CRTAC1: variants seen among roughly 807,000 people sequenced by gnomAD.
CRTAC1 encodes cartilage acidic protein 1.
CRTAC1 carries 37 observed loss-of-function variants against 67.8 expected under a neutral mutation model. The observed-to-expected ratio is 0.55, with a 90% CI of 0.42 to 0.72. CRTAC1 has a LOEUF of 0.72. Among genes scored for constraint, CRTAC1 ranks in the 30% least tolerant of loss-of-function variants. The pLI is 0.00. For missense variants in CRTAC1, 780 were observed against 931.6 expected (o/e 0.84, Z 2.12); for synonymous variants, 348 against 371.0 (o/e 0.94, Z 0.71).
intron 2 of CRTAC1, among the ~76,000 whole-genome samples, chr10:97,996,925 G>T (rs181539122): frequency 6.6e-6 from 1 of 152,052 alleles, no homozygotes; most frequent in Admixed American, 6.6e-5. Context: ...ATGAGTTCAT[G>T]TCCTTTGTAG....
intron 2 of CRTAC1, among the ~76,000 whole-genome samples, chr10:97,969,686 T>C (rs914319176): frequency 2.0e-4 from 31 of 152,104 alleles, no homozygotes; most frequent in African/African-American, 6.8e-4. Flanking sequence ...CACAGAGCCA[T>C]TGATCAGAAA....
At chr10:97,881,575 C>A (rs12240729) in intron 13 of CRTAC1, among the ~76,000 whole-genome samples, 1 of 152,208 alleles carries the variant, frequency 6.6e-6, no homozygotes, top group Non-Finnish European at 1.5e-5. Flanking sequence ...ATGACACTTG[C>A]TGTGTACGAG....
At chr10:98,002,832 G>C (rs564630988) in intron 2 of CRTAC1, among the ~76,000 whole-genome samples, 1 of 124,184 alleles carries the variant, frequency 8.1e-6, no homozygotes, top group African/African-American at 3.1e-5. Flanking sequence ...AGGCTGGAGT[G>C]CAGAGGTGCA....
intron 9 of CRTAC1, among the ~76,000 whole-genome samples, chr10:97,896,671 C>T (rs186069413): frequency 2.0e-5 from 3 of 152,302 alleles, no homozygotes; most frequent in South Asian, 2.1e-4. Context: ...CATTCCCCCA[C>T]CCCCCATCAG....
At chr10:98,025,714 G>C (rs1383177668) in intron 1 of CRTAC1, among the ~76,000 whole-genome samples, 1 of 152,194 alleles carries the variant, frequency 6.6e-6, no homozygotes, top group Admixed American at 6.5e-5. Context: ...GCCCAGGCTG[G>C]CCTGGAAGCC....
At chr10:97,997,444 T>C (rs1590276229) in intron 2 of CRTAC1, among the ~76,000 whole-genome samples, 2 of 121,698 alleles carry the variant, frequency 1.6e-5, no homozygotes. Context: ...AGAGGGAGAC[T>C]CTGTCTCAAA....
chr10:97,932,410 A>T, intron 3 of CRTAC1, among the ~76,000 whole-genome samples: 1 of 152,212 alleles, frequency 6.6e-6, no homozygotes, highest in East Asian at 1.9e-4. Flanking sequence ...TACGGCAGTG[A>T]AAAAGGCACC....
intron 1 of CRTAC1, among the ~76,000 whole-genome samples, chr10:98,022,697 T>TGGAGAGCA (rs1326742373): frequency 1.3e-5 from 2 of 152,108 alleles, no homozygotes; most frequent in African/African-American, 4.8e-5. Flanking sequence ...CTGGAGAGCC[T>TGGAGAGCA]GCTATGCCAC....
intron 2 of CRTAC1, among the ~76,000 whole-genome samples, chr10:98,005,100 A>ATATATATATATATTTTTTT: frequency 4.1e-5 from 2 of 48,884 alleles, no homozygotes; most frequent in African/African-American, 2.3e-4. Context: ...ATATATATAT[A>ATATATATATATATTTTTTT]TTTTTTTTTT....
chr10:98,030,513 G>T lies in CRTAC1; in HGVS notation c.-41C>A, dbSNP rs577931766. On this transcript the variant is annotated 5_prime_UTR_variant, in exon 1 of 15. Transcript: ENST00000370597. This position sits in a 1 kb window ranked among gnomAD's most constrained non-coding sequence, Gnocchi z 4.2. ...CCCGCCGCCTAGGGGCGTGGGAAGC[G>T]GGCGCTCGCTGCCGCCTCTGCCGCC... 5.7e-6 allele frequency: 7 copies of T among 1,237,576 alleles called. No individual in the cohort carries two copies. Among genetic ancestry groups the T allele is most frequent in the Non-Finnish European group, 6.1e-6 (6 of 982,420 alleles). 76.7% of individuals were successfully genotyped at this position (1,237,576 alleles called of 1,614,324 possible). A position where few individuals can be genotyped will look rare whatever the true frequency, so the allele number is the denominator to read the frequency against.
At chr10:97,954,059 T>A (rs753214878) in intron 2 of CRTAC1, among the ~76,000 whole-genome samples, 190 of 152,268 alleles carry the variant, frequency 1.2e-3, no homozygotes, top group Middle Eastern at 6.8e-3. Context: ...GGCATCGCCC[T>A]GGGAGAAACA....
chr10:97,905,646 C>A (rs2050601211), intron 6 of CRTAC1, among the ~76,000 whole-genome samples: 1 of 152,234 alleles, frequency 6.6e-6, no homozygotes, highest in Non-Finnish European at 1.5e-5. Context: ...GTACACGCAG[C>A]ATCTATCTCA....
At chr10:97,983,639 C>G (rs2051933762) in intron 2 of CRTAC1, among the ~76,000 whole-genome samples, 1 of 152,206 alleles carries the variant, frequency 6.6e-6, no homozygotes, top group Non-Finnish European at 1.5e-5. Flanking sequence ...TACCACATTT[C>G]TTCTTCCTTG....
chr10:98,028,119 C>T (rs1843277868), intron 1 of CRTAC1, among the ~76,000 whole-genome samples: 1 of 152,174 alleles, frequency 6.6e-6, no homozygotes, highest in African/African-American at 2.4e-5. Flanking sequence ...AAGGAATGAT[C>T]CCCGAGAGAG....
At chr10:97,957,061 C>T (rs958240815) in intron 2 of CRTAC1, among the ~76,000 whole-genome samples, 5 of 151,974 alleles carry the variant, frequency 3.3e-5, no homozygotes, top group African/African-American at 1.2e-4. Context: ...GTGATCCTTC[C>T]ACCTTGGCCT....
chr10:97,968,142 G>A (rs1217321549), intron 2 of CRTAC1, among the ~76,000 whole-genome samples: 1 of 152,352 alleles, frequency 6.6e-6, no homozygotes, highest in Non-Finnish European at 1.5e-5. Context: ...AAAGGGGAAC[G>A]ATGCTGGCTT....
At chr10:97,961,441 T>C (rs569673656) in intron 2 of CRTAC1, among the ~76,000 whole-genome samples, 1 of 152,374 alleles carries the variant, frequency 6.6e-6, no homozygotes, top group East Asian at 1.9e-4. Flanking sequence ...CTTTTGTATA[T>C]GTTTAAAACT....
intron 2 of CRTAC1, among the ~76,000 whole-genome samples, chr10:97,942,562 G>A (rs897300800): frequency 2.6e-5 from 4 of 152,190 alleles, no homozygotes; most frequent in South Asian, 2.1e-4. Context: ...GAAAAAAATC[G>A]CTTAGGGAGT....
At chr10:97,984,927 G>A (rs899035819) in intron 2 of CRTAC1, among the ~76,000 whole-genome samples, 9 of 152,342 alleles carry the variant, frequency 5.9e-5, no homozygotes, top group African/African-American at 1.7e-4. Flanking sequence ...CTCTGGTGCT[G>A]CAGTGAAAAT....
Sources: gnomAD v4.1 joint callset for allele counts (sites outside exome capture counted in the v4.1 genomes callset) on GRCh38, gnomAD v4.1.1 for gene constraint, Gnocchi (gnomAD v3.1) non-coding constraint, MANE v1.5 for transcripts, NCBI Gene and HGNC (gene_info 2026-07-23, HGNC 2026-07-21) for gene names.